The following EYS variants were observed in gnomAD, a reference collection of about 807,000 sequenced individuals.
EYS encodes protein eyes shut homolog.
EYS carries 250 observed loss-of-function variants against 282.1 expected under a neutral mutation model. That is an observed-to-expected ratio of 0.89 (90% CI 0.80 to 0.98). The LOEUF (loss-of-function observed/expected upper bound fraction) is 0.98. Among genes scored for constraint, EYS ranks in the 50% least tolerant of loss-of-function variants. EYS has a pLI of 0.00. For synonymous variants in EYS, 1,355 were observed against 1,282.9 expected (o/e 1.06, Z -1.20); for missense variants, 4,016 against 3,709.0 (o/e 1.08, Z -2.15).
At chr6:65,460,053 GTGTATATA>G (rs1019274395) in intron 5 of EYS, among the ~76,000 whole-genome samples, 4 of 130,370 alleles carry the variant, frequency 3.1e-5, no homozygotes, top group African/African-American at 8.6e-5. Flanking sequence ...TGATATATGT[GTGTATATA>G]TGTATATATG....
At chr6:64,385,087 A>C (rs934643468) in intron 29 of EYS, among the ~76,000 whole-genome samples, 3 of 152,200 alleles carry the variant, frequency 2.0e-5, no homozygotes, top group African/African-American at 7.2e-5. Context: ...TACTGTGCTT[A>C]AACAGCTTTT....
intron 2 of EYS, among the ~76,000 whole-genome samples, chr6:65,500,083 T>C (rs2127276279): frequency 6.6e-6 from 1 of 152,062 alleles, no homozygotes. Flanking sequence ...GCTCACACAA[T>C]CAATAAGCAG....
At chr6:64,733,318 G>A (rs1772038048) in intron 22 of EYS, 3 of 170,524 alleles carry the variant, frequency 1.8e-5, no homozygotes, top group South Asian at 3.1e-4. Context: ...CAGATGGCAG[G>A]CATTTCTGGT....
chr6:63,768,472 G>A (rs1194108898), intron 40 of EYS, among the ~76,000 whole-genome samples: 1 of 151,822 alleles, frequency 6.6e-6, no homozygotes, highest in Admixed American at 6.6e-5. Context: ...AATAGATTAA[G>A]TAATGCTCAA....
At chr6:64,836,628 A>G (rs1198497604) in intron 19 of EYS, among the ~76,000 whole-genome samples, 1 of 151,616 alleles carries the variant, frequency 6.6e-6, no homozygotes, top group Non-Finnish European at 1.5e-5. Flanking sequence ...AAAATTTTCT[A>G]TTGAAAATAG....
At chr6:64,715,160 A>C (rs530442761) in intron 22 of EYS, among the ~76,000 whole-genome samples, 1 of 152,088 alleles carries the variant, frequency 6.6e-6, no homozygotes, top group Admixed American at 6.6e-5. Flanking sequence ...TATTACAATT[A>C]CATTGTAATA....
intron 14 of EYS, among the ~76,000 whole-genome samples, chr6:64,958,932 C>A (rs1037136691): frequency 4.6e-5 from 7 of 152,042 alleles, no homozygotes; most frequent in Non-Finnish European, 8.8e-5. Flanking sequence ...GGCTTCATAT[C>A]CCAGGACCTT....
intron 31 of EYS, among the ~76,000 whole-genome samples, chr6:64,143,873 T>A (rs1774426584): frequency 6.6e-6 from 1 of 152,264 alleles, no homozygotes; most frequent in African/African-American, 2.4e-5. Flanking sequence ...ATATTTATGA[T>A]GAAGATTTCT....
intron 19 of EYS, among the ~76,000 whole-genome samples, chr6:64,851,910 A>C (rs901119879): frequency 2.0e-5 from 3 of 152,270 alleles, no homozygotes; most frequent in Middle Eastern, 3.4e-3. Flanking sequence ...GATCTGTACA[A>C]GAAACCCCCA....
intron 35 of EYS, among the ~76,000 whole-genome samples, chr6:63,917,435 G>A (rs138315091): frequency 0.012 from 1,885 of 152,290 alleles, 35 homozygotes; most frequent in African/African-American, 0.043. Flanking sequence ...TCTTTTAAAG[G>A]CTTTGGCATT....
At chr6:64,949,282 C>T (rs1334953936) in intron 14 of EYS, among the ~76,000 whole-genome samples, 1 of 151,854 alleles carries the variant, frequency 6.6e-6, no homozygotes, top group African/African-American at 2.4e-5. Context: ...ATGCTGAAAT[C>T]AAGGTATTGA....
intron 35 of EYS, among the ~76,000 whole-genome samples, chr6:63,950,066 G>A (rs546527636): frequency 3.9e-5 from 6 of 152,024 alleles, no homozygotes; most frequent in South Asian, 4.2e-4. Context: ...CCAGCTACTC[G>A]GGAGGCTGAG....
chr6:64,345,708 A>C (rs867409755), intron 29 of EYS, among the ~76,000 whole-genome samples: 2 of 152,132 alleles, frequency 1.3e-5, no homozygotes, highest in African/African-American at 4.8e-5. Context: ...AATGGGATCT[A>C]ATTAAACTAA....
intron 22 of EYS, among the ~76,000 whole-genome samples, chr6:64,715,107 T>G (rs1376105425): frequency 6.6e-6 from 1 of 152,168 alleles, no homozygotes; most frequent in Non-Finnish European, 1.5e-5. Context: ...ATATGGTTTT[T>G]GGGATGATTC....
intron 36 of EYS, among the ~76,000 whole-genome samples, chr6:63,808,218 G>C (rs928648997): frequency 6.6e-6 from 1 of 152,136 alleles, no homozygotes. Flanking sequence ...GAACTTTCAG[G>C]CAGAAGAAAC....
At chr6:65,696,204 A>T (rs1170106010) in intron 1 of EYS, among the ~76,000 whole-genome samples, 1 of 151,980 alleles carries the variant, frequency 6.6e-6, no homozygotes, top group Non-Finnish European at 1.5e-5. Flanking sequence ...GCCTGTTCTG[A>T]TTAAACATTT....
intron 7 of EYS, 150 bp downstream of exon 7, chr6:65,402,328 T>C: frequency 2.1e-6 from 1 of 469,862 alleles, no homozygotes; most frequent in Non-Finnish European, 3.8e-6. Flanking sequence ...ACCCAAAACA[T>C]GCAAAAAAAA....
intron 22 of EYS, among the ~76,000 whole-genome samples, chr6:64,732,793 T>G (rs997972320): frequency 1.3e-5 from 2 of 152,154 alleles, no homozygotes; most frequent in African/African-American, 4.8e-5. Flanking sequence ...CCTACTTAAC[T>G]CCAACTGATT....
At chr6:63,963,888 T>C (rs1309388840) in intron 35 of EYS, among the ~76,000 whole-genome samples, 1 of 152,178 alleles carries the variant, frequency 6.6e-6, no homozygotes, top group Non-Finnish European at 1.5e-5. Flanking sequence ...CTATGGGTCT[T>C]TAGTGTGAAC....
Sources: allele counts gnomAD v4.1 joint callset (sites outside exome capture counted in the v4.1 genomes callset), GRCh38; gene constraint gnomAD v4.1.1; transcripts MANE v1.5; gene names NCBI Gene and HGNC (gene_info 2026-07-23, HGNC 2026-07-21).